Variants in C12orf42 observed in about 807,000 individuals in gnomAD.
The protein encoded by C12orf42 is uncharacterized protein C12orf42.
A neutral mutation model predicts 21.6 loss-of-function variants in C12orf42; 25 were observed. That is an observed-to-expected ratio of 1.16 (90% CI 0.84 to 1.62). C12orf42 has a LOEUF of 1.62. Ranked by LOEUF, C12orf42 falls within the 40% of genes most tolerant of loss-of-function variation. The probability of loss-of-function intolerance (pLI) is 0.00; values close to 1 mark genes in which losing one functional copy is unlikely to be tolerated. For missense variants in C12orf42, 483 were observed against 459.3 expected, an observed-to-expected ratio of 1.05 and a Z score of -0.47; for synonymous variants, 174 against 175.0, an observed-to-expected ratio of 0.99 and a Z score of 0.05.
At chr12:103,056,553 CT>C in the C12orf42 span, among the ~76,000 whole-genome samples, 23 of 152,256 alleles carry the variant, frequency 1.5e-4, no homozygotes, top group South Asian at 4.8e-3. Flanking sequence ...TCTTTTTCCT[CT>C]CCTTCCATGA....
rs11111596 is a variant in C12orf42 at position 103,472,395 on chromosome 12, T to C, written c.78+5954A>G. Among the ~76,000 whole-genome samples, 1,893 of 152,288 alleles carry C rather than the reference T, an allele frequency of 0.012. 215 individuals carry two copies. The East Asian group carries it at 0.26, about 21-fold the overall frequency. ...AATTAGAAACAAGCCTTAAAATCTC[T>C]ATTCACAAATTCTAATATGAGACTA... On this transcript the variant is annotated intron_variant, in intron 2 of 5. Transcript: ENST00000548883.
At chr12:103,457,103 T>C (rs1024511105) in intron 2 of C12orf42, among the ~76,000 whole-genome samples, 15 of 152,212 alleles carry the variant, frequency 9.9e-5, no homozygotes, top group African/African-American at 7.2e-5. Flanking sequence ...TTCACAAATA[T>C]ATACTGAAGA....
chr12:103,159,994 C>A, the C12orf42 span, among the ~76,000 whole-genome samples: 1 of 152,130 alleles, frequency 6.6e-6, no homozygotes, highest in Non-Finnish European at 1.5e-5. Flanking sequence ...TGGGATGAGG[C>A]CAGCTGAGGT....
At chr12:103,484,940 G>T (rs1954730610) in intron 1 of C12orf42, among the ~76,000 whole-genome samples, 1 of 143,568 alleles carries the variant, frequency 7.0e-6, no homozygotes, top group Admixed American at 7.2e-5. Flanking sequence ...CACAATCTCG[G>T]CTCACTGCAA....
intron 1 of C12orf42, among the ~76,000 whole-genome samples, chr12:103,484,904 CTG>C (rs1411099265): frequency 1.7e-5 from 2 of 116,486 alleles, no homozygotes; most frequent in Non-Finnish European, 3.3e-5. Context: ...GAGTCTCTCT[CTG>C]TCGCCCAGGC....
chr12:103,508,431 T>A, the C12orf42 span, among the ~76,000 whole-genome samples: 8 of 148,500 alleles, frequency 5.4e-5, no homozygotes, highest in African/African-American at 2.0e-4. Flanking sequence ...TTTCATGGTA[T>A]GCTTCCAAAT....
chr12:103,423,985 A>G (rs746004920), intron 2 of C12orf42, among the ~76,000 whole-genome samples: 2 of 152,248 alleles, frequency 1.3e-5, no homozygotes, highest in African/African-American at 2.4e-5. Context: ...TAAATGCATG[A>G]TGCTATTTAT....
chr12:103,229,403 CA>C, the C12orf42 span, among the ~76,000 whole-genome samples: 5 of 152,126 alleles, frequency 3.3e-5, no homozygotes, highest in Non-Finnish European at 7.4e-5. Context: ...TTCAAAAACA[CA>C]AAAGCAAGGC....
the C12orf42 span, among the ~76,000 whole-genome samples, chr12:103,219,232 T>A: frequency 6.6e-6 from 1 of 152,216 alleles, no homozygotes; most frequent in East Asian, 1.9e-4. Flanking sequence ...ACTGGACCCC[T>A]TCCTTACACC....
chr12:103,403,555 G>C (rs899237434), intron 2 of C12orf42, among the ~76,000 whole-genome samples: 2 of 152,146 alleles, frequency 1.3e-5, no homozygotes, highest in East Asian at 3.9e-4. Flanking sequence ...TCAAATTTCA[G>C]AATCTGGACT....
the C12orf42 span, among the ~76,000 whole-genome samples, chr12:103,068,854 CT>C: frequency 7.0e-6 from 1 of 142,246 alleles, no homozygotes. Context: ...GGAGTTAATA[CT>C]ACATAATAAA....
the C12orf42 span, chr12:103,505,638 GC>G: frequency 3.8e-6 from 1 of 263,072 alleles, no homozygotes; most frequent in Non-Finnish European, 7.2e-6. Flanking sequence ...ACCCAAGTTA[GC>G]ACTGCCCAGG....
At chr12:103,421,886 G>A (rs987024916) in intron 2 of C12orf42, among the ~76,000 whole-genome samples, 5 of 152,010 alleles carry the variant, frequency 3.3e-5, no homozygotes, top group Admixed American at 1.3e-4. Flanking sequence ...AATCCTATTC[G>A]CCTGTCTTAT....
chr12:103,543,333 G>A, the C12orf42 span, among the ~76,000 whole-genome samples: 1 of 152,136 alleles, frequency 6.6e-6, no homozygotes, highest in African/African-American at 2.4e-5. Context: ...GGCCGGGCAG[G>A]CATGGTAATT....
At chr12:103,532,023 C>G in the C12orf42 span, among the ~76,000 whole-genome samples, 1 of 152,180 alleles carries the variant, frequency 6.6e-6, no homozygotes, top group African/African-American at 2.4e-5. Context: ...CATAAACACA[C>G]CTTTAAATAA....
At chr12:103,286,509 T>C (rs1314644553) in intron 4 of C12orf42, among the ~76,000 whole-genome samples, 1 of 151,474 alleles carries the variant, frequency 6.6e-6, no homozygotes, top group Non-Finnish European at 1.5e-5. Flanking sequence ...TCAGACTTAA[T>C]GTGAGGTATG....
chr12:103,191,312 G>T, the C12orf42 span, among the ~76,000 whole-genome samples: 1 of 151,966 alleles, frequency 6.6e-6, no homozygotes, highest in African/African-American at 2.4e-5. Flanking sequence ...ACAAAAGCTT[G>T]TGAAGGTATA....
At chr12:103,354,479 A>C (rs2043355044) in intron 4 of C12orf42, among the ~76,000 whole-genome samples, 1 of 152,132 alleles carries the variant, frequency 6.6e-6, no homozygotes, top group African/African-American at 2.4e-5. Context: ...TTTGATAACA[A>C]TCAATGCGGT....
At chr12:103,087,227 A>C in the C12orf42 span, among the ~76,000 whole-genome samples, 1 of 152,218 alleles carries the variant, frequency 6.6e-6, no homozygotes, top group African/African-American at 2.4e-5. Context: ...GTCACATATT[A>C]AATGACTGTA....
Sources: gnomAD v4.1 joint callset for allele counts (sites outside exome capture counted in the v4.1 genomes callset) on GRCh38, gnomAD v4.1.1 for gene constraint, MANE v1.5 for transcripts, NCBI Gene and HGNC (gene_info 2026-07-23, HGNC 2026-07-21) for gene names.